INPP4B: variants seen among roughly 807,000 people sequenced by gnomAD.
The protein encoded by INPP4B is inositol polyphosphate 4-phosphatase type II.
A neutral mutation model predicts 122.5 loss-of-function variants in INPP4B; 55 were observed. That is an observed-to-expected ratio of 0.45 (90% CI 0.36 to 0.56). The LOEUF (loss-of-function observed/expected upper bound fraction) is 0.56. Among genes scored for constraint, INPP4B ranks in the 20% least tolerant of loss-of-function variants. INPP4B has a pLI of 0.00. For missense variants in INPP4B, 1,000 were observed against 1,097.7 expected, an observed-to-expected ratio of 0.91 and a Z score of 1.26; for synonymous variants, 403 against 388.7, an observed-to-expected ratio of 1.04 and a Z score of -0.43.
intron 2 of INPP4B, among the ~76,000 whole-genome samples, chr4:142,690,416 A>C (rs549718804): frequency 6.6e-6 from 1 of 152,096 alleles, no homozygotes; most frequent in East Asian, 1.9e-4. Context: ...AGAAATGTAA[A>C]AGCCTTTTAA....
At chr4:142,427,488 A>T in intron 5 of INPP4B, 1 of 676,156 alleles carries the variant, frequency 1.5e-6, no homozygotes. Context: ...CTGGAAATAT[A>T]AGTGATGATG....
chr4:142,068,908 C>T (rs530894881), intron 25 of INPP4B, among the ~76,000 whole-genome samples: 45 of 152,218 alleles, frequency 3.0e-4, no homozygotes, highest in Middle Eastern at 6.8e-3. Flanking sequence ...CCACTGTCAA[C>T]ATTAGACAGA....
rs1193114245 is a variant in INPP4B, at chr4:142,082,078, G to A, written c.2595C>T (p.His865=). The change falls in exon 25 of 26, where the codon CAC becomes CAT. Residue 865 remains histidine (H), a synonymous_variant. Coordinates refer to ENST00000262992, the MANE Select transcript of INPP4B (RefSeq NM_001101669.3). ...LEQCSILRDE[H]QLHKDFFIRA... Reference sequence around the variant, plus strand: ...GGATAAAGAAGTCCTTGTGTAACTGGTGCTCATCTCTCAAGATTGAGCATT... The same window carrying A: ...GGATAAAGAAGTCCTTGTGTAACTGATGCTCATCTCTCAAGATTGAGCATT... 2.0e-6 allele frequency: 3 copies of A among 1,488,564 alleles called. No homozygotes were observed. Among genetic ancestry groups the A allele is most frequent in the East Asian group, 2.3e-5 (1 of 43,574 alleles). 92.2% of individuals were successfully genotyped at this position (1,488,564 alleles called of 1,614,324 possible).
At position 142,208,418 on chromosome 4, in the gene INPP4B, A is replaced by G. The variant is rs1304338304; in HGVS notation, c.1072+7T>C. 6.8e-7 allele frequency: 1 copy of G among 1,466,036 alleles called. No homozygotes were observed. The highest frequency in any genetic ancestry group is 1.8e-5 in the Admixed American group (1 of 54,206). The allele number at this position is 1,466,036 out of a possible 1,614,324, so 90.8% of individuals were successfully genotyped here. On this transcript the variant is annotated splice_region_variant and intron_variant, in intron 14 of 25. Transcript: ENST00000262992. Reference sequence around the variant, plus strand: ...TTTGCTATTTTTAAAAGAATAATTTATGATACCTTTCAAGTGAGGGCTGTG... The same window carrying G: ...TTTGCTATTTTTAAAAGAATAATTTGTGATACCTTTCAAGTGAGGGCTGTG...
At chr4:142,489,234 T>C (rs1395018617) in intron 2 of INPP4B, among the ~76,000 whole-genome samples, 1 of 152,180 alleles carries the variant, frequency 6.6e-6, no homozygotes, top group Non-Finnish European at 1.5e-5. Context: ...CTGCAAAATG[T>C]CTATTTTTAA....
intron 1 of INPP4B, among the ~76,000 whole-genome samples, chr4:142,796,699 TTG>T (rs1777284397): frequency 1.3e-5 from 2 of 152,126 alleles, no homozygotes; most frequent in South Asian, 4.1e-4. Flanking sequence ...AACTAGACTA[TTG>T]ATAATGAAGT....
chr4:142,468,336 G>T (rs1326578478), intron 2 of INPP4B, among the ~76,000 whole-genome samples: 1 of 152,250 alleles, frequency 6.6e-6, no homozygotes, highest in African/African-American at 2.4e-5. Context: ...TCAGTGAGAG[G>T]TTTTGGGATA....
intron 9 of INPP4B, among the ~76,000 whole-genome samples, chr4:142,291,498 C>G (rs1361565220): frequency 6.6e-6 from 1 of 152,138 alleles, no homozygotes; most frequent in Non-Finnish European, 1.5e-5. Context: ...GCTGATTAGT[C>G]ACATGTTTGA....
At chr4:142,674,056 T>C (rs1056480355) in intron 2 of INPP4B, among the ~76,000 whole-genome samples, 2 of 152,144 alleles carry the variant, frequency 1.3e-5, no homozygotes, top group African/African-American at 2.4e-5. Context: ...AAAGTCTGCA[T>C]CCAGTAATTA....
intron 2 of INPP4B, chr4:142,583,319 A>C (rs2150211424): frequency 6.6e-6 from 1 of 152,292 alleles, no homozygotes; most frequent in South Asian, 2.1e-4. Context: ...AAGGGACTTT[A>C]CCAACTGCAG....
intron 10 of INPP4B, among the ~76,000 whole-genome samples, chr4:142,266,883 C>T (rs1743082237): frequency 6.6e-6 from 1 of 151,704 alleles, no homozygotes. Flanking sequence ...GAAGGATACA[C>T]AATCAACTCA....
In INPP4B at chr4:142,082,153, G is replaced by A; in HGVS notation, c.2520C>T (p.Thr840=). The A allele has an allele frequency of 6.5e-7, 1 of 1,532,176 alleles. No individual in the cohort carries two copies. Among genetic ancestry groups the A allele is most frequent in the Admixed American group, 1.7e-5 (1 of 59,134 alleles). 94.9% of individuals were successfully genotyped at this position (1,532,176 alleles called of 1,614,324 possible). Residue 840 remains threonine, a synonymous_variant, in exon 25 of 26, where the codon ACC becomes ACT. Coordinates refer to ENST00000262992, the MANE Select transcript of INPP4B (RefSeq NM_001101669.3). ...TCCTGTCTTTGGCACTTTTACAACA[G>A]GTGAAACGAATACCATTCAGTTTGC... ...ICRKLNGIRF[T]CCKSAKDRTS... is the part of the protein sequence containing the mutation.
intron 2 of INPP4B, chr4:142,518,914 G>T (rs1825745140): frequency 6.6e-6 from 1 of 152,164 alleles, no homozygotes; most frequent in African/African-American, 2.4e-5. Context: ...GAATCACTCA[G>T]CCAAGCCACT....
chr4:142,173,777 T>A lies in INPP4B; in HGVS notation c.1214A>T (p.Glu405Val). 6.2e-7 allele frequency: 1 copy of A among 1,613,174 alleles called. No homozygotes were observed. The highest frequency in any genetic ancestry group is 8.5e-7 in the Non-Finnish European group (1 of 1,179,380). ...AACTTCCTTTGCTTTGGCTGTGTTT[T>A]CAGGTGAATAGTAAATAAACTGGTA... ...TGYQFIYYSP[E>V]NTAKAKEVLS... The change falls in exon 16 of 26, where the codon GAA becomes GTA. Residue 405 changes from glutamate to valine, a missense_variant. Glu to Val is a moderately radical substitution (Grantham distance 121). Coordinates refer to ENST00000262992, the MANE Select transcript of INPP4B (RefSeq NM_001101669.3).
At chr4:142,391,095 C>G (rs1402183097) in intron 7 of INPP4B, among the ~76,000 whole-genome samples, 1 of 152,160 alleles carries the variant, frequency 6.6e-6, no homozygotes, top group African/African-American at 2.4e-5. Context: ...CAAGAAAATA[C>G]TTTGCCAGAT....
At chr4:142,329,009 C>T (rs969217887) in intron 7 of INPP4B, among the ~76,000 whole-genome samples, 1 of 152,186 alleles carries the variant, frequency 6.6e-6, no homozygotes, top group African/African-American at 2.4e-5. Context: ...CCTGAACTTT[C>T]CTTGCTCTCA....
chr4:142,134,464 T>C (rs908143462), intron 18 of INPP4B, among the ~76,000 whole-genome samples: 5 of 152,166 alleles, frequency 3.3e-5, no homozygotes, highest in African/African-American at 1.2e-4. Context: ...AAAAATGTTA[T>C]TGAAATTCTA....
At chr4:142,390,610 T>C (rs905374691) in intron 7 of INPP4B, among the ~76,000 whole-genome samples, 6 of 152,186 alleles carry the variant, frequency 3.9e-5, no homozygotes, top group Admixed American at 6.5e-5. Context: ...TTTAGATATA[T>C]GGGGAGCATT....
intron 1 of INPP4B, among the ~76,000 whole-genome samples, chr4:142,767,069 T>A (rs1159388870): frequency 6.6e-6 from 1 of 152,222 alleles, no homozygotes; most frequent in African/African-American, 2.4e-5. Context: ...ACTGGTTTCC[T>A]CAATGATAAT....
Sources: allele counts gnomAD v4.1 joint callset (sites outside exome capture counted in the v4.1 genomes callset), GRCh38; gene constraint gnomAD v4.1.1; transcripts MANE v1.5; gene names NCBI Gene and HGNC (gene_info 2026-07-23, HGNC 2026-07-21).